ADAMTS12: variants seen among roughly 807,000 people sequenced by gnomAD.
ADAMTS12 encodes the protein A disintegrin and metalloproteinase with thrombospondin motifs 12.
ADAMTS12 carries 118 observed loss-of-function variants against 167.8 expected under a neutral mutation model. The observed-to-expected ratio is 0.70, with a 90% CI of 0.61 to 0.82. ADAMTS12 has a LOEUF of 0.82. ADAMTS12 is among the 40% of genes least tolerant of loss of function. ADAMTS12 has a pLI of 0.00. For synonymous variants in ADAMTS12, 704 were observed against 716.9 expected (o/e 0.98, Z 0.29); for missense variants, 1,916 against 1,998.8 (o/e 0.96, Z 0.79).
At chr5:33,623,133 G>C (rs572052071) in intron 14 of ADAMTS12, among the ~76,000 whole-genome samples, 11 of 152,288 alleles carry the variant, frequency 7.2e-5, no homozygotes, top group African/African-American at 2.6e-4. Flanking sequence ...TGGGTAGGAA[G>C]CATGTTTAGA....
chr5:33,682,297 T>C (rs1169529172), intron 5 of ADAMTS12, among the ~76,000 whole-genome samples: 2 of 152,132 alleles, frequency 1.3e-5, no homozygotes, highest in African/African-American at 4.8e-5. Flanking sequence ...GAACTGAGAT[T>C]ATTTAGGAAG....
chr5:33,549,453 C>T, intron 20 of ADAMTS12, 70 bp from the exon 21 acceptor site: 1 of 1,543,610 alleles, frequency 6.5e-7, no homozygotes, highest in Non-Finnish European at 8.8e-7. Flanking sequence ...TTCCCCTCAG[C>T]CGTGGAGGCG....
chr5:33,624,143 T>C, intron 14 of ADAMTS12, 88 bp downstream of exon 14: 7 of 1,569,330 alleles, frequency 4.5e-6, no homozygotes, highest in Non-Finnish European at 6.1e-6. Context: ...TTTAAAGAAA[T>C]AAAAACAAAA....
intron 3 of ADAMTS12, among the ~76,000 whole-genome samples, chr5:33,686,102 T>C (rs943890282): frequency 2.6e-5 from 4 of 152,188 alleles, no homozygotes; most frequent in African/African-American, 7.2e-5. Flanking sequence ...AGGTCTGTTC[T>C]AATCAGGAGG....
intron 3 of ADAMTS12, among the ~76,000 whole-genome samples, chr5:33,707,516 CA>C (rs1217866629): frequency 6.6e-6 from 1 of 152,142 alleles, no homozygotes; most frequent in East Asian, 1.9e-4. Context: ...GCAAAAAGAA[CA>C]AAGCTGGAGG....
intron 2 of ADAMTS12, among the ~76,000 whole-genome samples, chr5:33,835,624 A>T (rs1748477072): frequency 6.6e-6 from 1 of 152,140 alleles, no homozygotes; most frequent in African/African-American, 2.4e-5. Flanking sequence ...GGCCTCTTTT[A>T]TAAAGGCACT....
At chr5:33,545,626 T>G (rs942118820) in intron 22 of ADAMTS12, among the ~76,000 whole-genome samples, 2 of 152,114 alleles carry the variant, frequency 1.3e-5, no homozygotes, top group South Asian at 2.1e-4. Context: ...GTCCAGCAAT[T>G]ATAGACTGGA....
At chr5:33,678,651 A>G (rs779699821) in intron 5 of ADAMTS12, among the ~76,000 whole-genome samples, 2 of 152,160 alleles carry the variant, frequency 1.3e-5, no homozygotes, top group Admixed American at 6.5e-5. Flanking sequence ...GAATAAGACT[A>G]TTGCTACCTC....
chr5:33,724,817 C>T (rs1043883187), intron 3 of ADAMTS12, among the ~76,000 whole-genome samples: 2 of 152,180 alleles, frequency 1.3e-5, no homozygotes, highest in African/African-American at 2.4e-5. Context: ...TCCCAAAGTG[C>T]TGGGATTACA....
At chr5:33,613,861 G>A (rs1195165377) in intron 16 of ADAMTS12, among the ~76,000 whole-genome samples, 2 of 152,174 alleles carry the variant, frequency 1.3e-5, no homozygotes, top group African/African-American at 4.8e-5. Flanking sequence ...GCTGGTTGTG[G>A]TTTGAATTTG....
intron 19 of ADAMTS12, among the ~76,000 whole-genome samples, chr5:33,570,128 C>T (rs1031883094): frequency 6.6e-6 from 1 of 152,206 alleles, no homozygotes; most frequent in Non-Finnish European, 1.5e-5. Context: ...GATTGGTGTA[C>T]ATGAAAGTGA....
At position 33,527,384 on chromosome 5, in the gene ADAMTS12, G is replaced by T. The variant is rs372555811; in HGVS notation, c.4607-18C>A. 3.2e-5 allele frequency: 51 copies of T among 1,607,390 alleles called. No homozygotes were observed. Among genetic ancestry groups the T allele is most frequent in the Non-Finnish European group, 3.7e-5 (44 of 1,176,804 alleles). On this transcript the variant is annotated intron_variant, in intron 23 of 23. Coordinates refer to ENST00000504830, the MANE Select transcript of ADAMTS12 (RefSeq NM_030955.4). Reference sequence around the variant, plus strand: ...AAGTAAATCTGTGGAAGGAGAAAAAGAATAAGAAAAAAGTCCAAAGATTAT... The same window carrying T: ...AAGTAAATCTGTGGAAGGAGAAAAATAATAAGAAAAAAGTCCAAAGATTAT...
At chr5:33,545,317 T>C (rs1227345427) in intron 22 of ADAMTS12, among the ~76,000 whole-genome samples, 1 of 152,124 alleles carries the variant, frequency 6.6e-6, no homozygotes, top group African/African-American at 2.4e-5. Flanking sequence ...TGAGATACCA[T>C]CTCATGCCAG....
intron 21 of ADAMTS12, among the ~76,000 whole-genome samples, chr5:33,546,406 A>C (rs997231048): frequency 2.0e-5 from 3 of 152,176 alleles, no homozygotes; most frequent in Admixed American, 2.0e-4. Flanking sequence ...ACAAGAATTA[A>C]AGAGAGGTGG....
Position 33,683,053 on chromosome 5 carries a change from CAAT to C in ADAMTS12, c.877_879del (p.Ile293del). 1 of 1,613,406 alleles carries C rather than the reference CAAT, an allele frequency of 6.2e-7. No homozygotes were observed. Among genetic ancestry groups the C allele is most frequent in the Non-Finnish European group, 8.5e-7 (1 of 1,179,726 alleles). On this transcript the variant is annotated inframe_deletion, in exon 5 of 24. Coordinates refer to ENST00000504830, the MANE Select transcript of ADAMTS12 (RefSeq NM_030955.4). ...TCGAGTAGAATGAGCCGAACCACAA[CAAT>C]GTGAATTGCATTGCCAATGCTTGGG...
At chr5:33,611,848 A>G (rs1738744639) in intron 16 of ADAMTS12, among the ~76,000 whole-genome samples, 1 of 152,242 alleles carries the variant, frequency 6.6e-6, no homozygotes, top group Non-Finnish European at 1.5e-5. Context: ...AAATGCATCC[A>G]TATACACACA....
intron 2 of ADAMTS12, among the ~76,000 whole-genome samples, chr5:33,879,769 T>C (rs1333397350): frequency 1.3e-5 from 2 of 152,204 alleles, no homozygotes; most frequent in Non-Finnish European, 2.9e-5. Flanking sequence ...GATAATGTTT[T>C]ACTGAATTTT....
At chr5:33,632,771 T>C (rs973559504) in intron 12 of ADAMTS12, among the ~76,000 whole-genome samples, 10 of 152,186 alleles carry the variant, frequency 6.6e-5, no homozygotes, top group African/African-American at 2.2e-4. Context: ...TAGAATTGGA[T>C]TTGGGATTTT....
intron 22 of ADAMTS12, among the ~76,000 whole-genome samples, chr5:33,542,176 C>A (rs1044073938): frequency 5.3e-5 from 8 of 151,700 alleles, no homozygotes; most frequent in Admixed American, 2.6e-4. Context: ...AAAAAAAAAG[C>A]AGGGGTTGCA....
Sources: gnomAD v4.1 joint callset for allele counts (sites outside exome capture counted in the v4.1 genomes callset) on GRCh38, gnomAD v4.1.1 for gene constraint, MANE v1.5 for transcripts, NCBI Gene and HGNC (gene_info 2026-07-23, HGNC 2026-07-21) for gene names.